The following CDH17 variants were observed in gnomAD, a reference collection of about 807,000 sequenced individuals.
CDH17 encodes the protein cadherin 17.
In CDH17, 67 loss-of-function variants were observed where a neutral mutation model predicts 86.3. That is an observed-to-expected ratio of 0.78 (90% CI 0.64 to 0.95). CDH17 has a LOEUF of 0.95. Ranked by LOEUF, CDH17 falls within the 40% of genes least tolerant of loss-of-function variation. CDH17 has a pLI of 0.00. For missense variants in CDH17, 993 were observed against 1,017.6 expected (o/e 0.98, Z 0.33); for synonymous variants, 367 against 366.4 (o/e 1.00, Z -0.02).
chr8:94,190,442 G>T (rs1467539699), intron 2 of CDH17, among the ~76,000 whole-genome samples: 2 of 152,176 alleles, frequency 1.3e-5, no homozygotes, highest in Non-Finnish European at 2.9e-5. Context: ...GATGGAGTGG[G>T]CACCCACGGG....
chr8:94,161,541 T>A (rs1350640847), intron 11 of CDH17, among the ~76,000 whole-genome samples: 1 of 152,242 alleles, frequency 6.6e-6, no homozygotes, highest in Non-Finnish European at 1.5e-5. Flanking sequence ...TTTGCATTTT[T>A]CTTGAGGTTC....
chr8:94,134,392 A>G (rs1416825162), intron 15 of CDH17, among the ~76,000 whole-genome samples: 2 of 152,130 alleles, frequency 1.3e-5, no homozygotes, highest in Non-Finnish European at 2.9e-5. Flanking sequence ...GGAAGGGTGT[A>G]TGTGTCCAGG....
chr8:94,151,982 T>C lies in CDH17; in HGVS notation c.1682A>G (p.Asn561Ser). 6.2e-7 allele frequency: 1 copy of C among 1,614,202 alleles called. No individual in the cohort carries two copies. The highest frequency in any genetic ancestry group is 1.1e-5 in the South Asian group (1 of 91,088). The part of the protein sequence containing the change: ...AKFTLIVTDV[N>S]EAPQFSQHVF... ...GTGTTGGGAAAATTGAGGTGCTTCA[T>C]TCACATCTGTCACAATAAGCGTGAA... Residue 561 changes from asparagine (N) to serine (S), a missense_variant, in exon 13 of 18, where the codon AAT becomes AGT. By Grantham distance (46) the Asn-to-Ser change is conservative. Transcript: ENST00000027335.
intron 15 of CDH17, among the ~76,000 whole-genome samples, chr8:94,145,183 C>T (rs2099337522): frequency 6.6e-6 from 1 of 152,136 alleles, no homozygotes; most frequent in African/African-American, 2.4e-5. Context: ...AATCTTTGTC[C>T]CTACAAAATA....
chr8:94,168,100 ATATATATATATAT>A, intron 9 of CDH17, among the ~76,000 whole-genome samples: 1 of 640 alleles, frequency 1.6e-3, no homozygotes, highest in African/African-American at 4.3e-3. Context: ...ACTGGGGAAT[ATATATATATATAT>A]ATATATATAT....
chr8:94,148,721 GTTTTT>G lies in CDH17; in HGVS notation c.1927+18_1927+22del. On this transcript the variant is annotated intron_variant, in intron 14 of 17. Coordinates refer to ENST00000027335, the MANE Select transcript of CDH17 (RefSeq NM_004063.4). ...TGATAATCTGTGTTCCTTTTTTTTT[GTTTTT>G]TTTTTTTTTTTGCTTACCTACTTCT... 41 of 1,121,234 alleles carry G rather than the reference GTTTTT, an allele frequency of 3.7e-5. No homozygotes were observed. Among genetic ancestry groups the G allele is most frequent in the East Asian group, 1.3e-4 (3 of 23,898 alleles). The allele number at this position is 1,121,234 out of a possible 1,614,324, so 69.5% of individuals were successfully genotyped here.
At chr8:94,179,057 A>AC (rs1001732863) in intron 3 of CDH17, among the ~76,000 whole-genome samples, 1 of 151,560 alleles carries the variant, frequency 6.6e-6, no homozygotes, top group African/African-American at 2.4e-5. Context: ...AAAAAAAAAA[A>AC]AAAAAACTAA....
intron 3 of CDH17, among the ~76,000 whole-genome samples, chr8:94,188,864 G>T (rs1813630757): frequency 2.0e-5 from 3 of 152,098 alleles, no homozygotes; most frequent in Non-Finnish European, 2.9e-5. Context: ...CAGCCTCGAG[G>T]GTGGATGGTC....
intron 1 of CDH17, chr8:94,202,020 C>A: frequency 4.8e-6 from 1 of 210,060 alleles, no homozygotes; most frequent in South Asian, 8.6e-5. Context: ...ATTTGCCAGT[C>A]CATGGTTTTC....
chr8:94,154,981 T>C (rs574431753), intron 12 of CDH17, among the ~76,000 whole-genome samples: 1 of 152,082 alleles, frequency 6.6e-6, no homozygotes, highest in South Asian at 2.1e-4. Flanking sequence ...ACACACACCA[T>C]CATGACTCAC....
intron 15 of CDH17, among the ~76,000 whole-genome samples, chr8:94,143,633 G>A (rs573685620): frequency 1.3e-4 from 20 of 152,282 alleles, no homozygotes; most frequent in Admixed American, 6.5e-4. Flanking sequence ...CTTTCATTAA[G>A]GATCTCAGAT....
At chr8:94,185,170 A>G (rs1246610444) in intron 3 of CDH17, among the ~76,000 whole-genome samples, 3 of 151,712 alleles carry the variant, frequency 2.0e-5, no homozygotes, top group Admixed American at 1.3e-4. Flanking sequence ...TTGTACCAAA[A>G]CTCCCCAGTG....
chr8:94,136,660 T>A (rs1477113068), intron 15 of CDH17, among the ~76,000 whole-genome samples: 3 of 152,214 alleles, frequency 2.0e-5, no homozygotes, highest in African/African-American at 7.2e-5. Context: ...TCAAAGTCAT[T>A]CTCCATCCAG....
At chr8:94,149,032 G>T (rs2340025) in intron 13 of CDH17, among the ~76,000 whole-genome samples, 158 bp from the exon 14 acceptor site, 34,643 of 151,640 alleles carry the variant, frequency 0.23, 3,983 homozygotes, top group East Asian at 0.3. Flanking sequence ...AGCATTACTT[G>T]TATATTATTT....
intron 1 of CDH17, chr8:94,201,946 C>T (rs959540893): frequency 1.0e-5 from 2 of 199,704 alleles, no homozygotes; most frequent in African/African-American, 2.4e-5. Context: ...AAATTCCATT[C>T]ACCAGGGCAC....
rs899274618 is a variant in CDH17 at position 94,131,011 on chromosome 8, A to G, written c.2168-19T>C. On this transcript the variant is annotated intron_variant, in intron 15 of 17. Coordinates refer to ENST00000027335, the MANE Select transcript of CDH17 (RefSeq NM_004063.4). ...TGAGTACCTGCCAGGACAGGAAAAAAAAATGAAAATACAACTTCAGACCCT... is the reference window on the plus strand; with the variant it reads ...TGAGTACCTGCCAGGACAGGAAAAAGAAATGAAAATACAACTTCAGACCCT... 7.8e-7 allele frequency: 1 copy of G among 1,281,170 alleles called. No homozygotes were observed. The highest frequency in any genetic ancestry group is 1.2e-5 in the South Asian group (1 of 82,812). The allele number at this position is 1,281,170 out of a possible 1,614,324, so 79.4% of individuals were successfully genotyped here.
At chr8:94,161,368 A>G (rs1388675357) in intron 11 of CDH17, among the ~76,000 whole-genome samples, 1 of 152,114 alleles carries the variant, frequency 6.6e-6, no homozygotes, top group Non-Finnish European at 1.5e-5. Flanking sequence ...TATGAACATC[A>G]TCACAGGGCT....
At chr8:94,152,184 C>T (rs374251325) in intron 12 of CDH17, 72 bp from the exon 13 acceptor site, 3 of 1,511,064 alleles carry the variant, frequency 2.0e-6, no homozygotes, top group Non-Finnish European at 9.0e-7. Flanking sequence ...CCCTATCCTT[C>T]TTAAACTCTC....
At chr8:94,163,457 T>A (rs1387710943) in intron 10 of CDH17, among the ~76,000 whole-genome samples, 1 of 151,918 alleles carries the variant, frequency 6.6e-6, no homozygotes, top group Non-Finnish European at 1.5e-5. Flanking sequence ...TAGCTGGGGG[T>A]GTCACGCCCC....
Sources: allele counts gnomAD v4.1 joint callset (sites outside exome capture counted in the v4.1 genomes callset), GRCh38; gene constraint gnomAD v4.1.1; transcripts MANE v1.5; gene names NCBI Gene and HGNC (gene_info 2026-07-23, HGNC 2026-07-21).